The following PPP1R12A variants were observed in gnomAD, a reference collection of about 807,000 sequenced individuals.
PPP1R12A encodes myosin binding subunit.
PPP1R12A carries 19 observed loss-of-function variants against 139.6 expected under a neutral mutation model. The observed-to-expected ratio is 0.14, with a 90% confidence interval of 0.09 to 0.20. The LOEUF (loss-of-function observed/expected upper bound fraction) is 0.20. Among genes scored for constraint, PPP1R12A ranks in the 10% least tolerant of loss-of-function variants. PPP1R12A has a pLI of 1.00. For synonymous variants in PPP1R12A, 427 were observed against 420.6 expected (o/e 1.02, Z -0.19); for missense variants, 925 against 1,211.5 (o/e 0.76, Z 3.51).
chr12:79,783,517 C>A (rs953935906), intron 22 of PPP1R12A, among the ~76,000 whole-genome samples: 2 of 151,840 alleles, frequency 1.3e-5, no homozygotes, highest in Admixed American at 1.3e-4. Flanking sequence ...TTAGTTAATT[C>A]TCATTTATTT....
chr12:79,833,553 G>A (rs919337395), intron 3 of PPP1R12A, among the ~76,000 whole-genome samples: 10 of 151,674 alleles, frequency 6.6e-5, no homozygotes, highest in African/African-American at 2.4e-4. Context: ...AGCCAGGTGC[G>A]TTGGCTCACA....
chr12:79,781,225 CAAG>C (rs1565734859), intron 23 of PPP1R12A, among the ~76,000 whole-genome samples: 1 of 151,982 alleles, frequency 6.6e-6, no homozygotes, highest in Non-Finnish European at 1.5e-5. Context: ...AAGAGAAATA[CAAG>C]TGAATGTATT....
At chr12:79,853,676 T>C (rs1017722061) in intron 2 of PPP1R12A, among the ~76,000 whole-genome samples, 1 of 152,246 alleles carries the variant, frequency 6.6e-6, no homozygotes, top group Admixed American at 6.5e-5. Context: ...AATTTTTCCC[T>C]AGAGAATTGA....
intron 1 of PPP1R12A, among the ~76,000 whole-genome samples, chr12:79,894,514 A>G (rs1884955307): frequency 6.6e-6 from 1 of 152,150 alleles, no homozygotes; most frequent in African/African-American, 2.4e-5. Context: ...ACAGGTACTA[A>G]GCTATCATCC....
chr12:79,814,114 A>G (rs1468175408), intron 9 of PPP1R12A, among the ~76,000 whole-genome samples: 1 of 152,198 alleles, frequency 6.6e-6, no homozygotes, highest in East Asian at 1.9e-4. Context: ...CTAATATGCT[A>G]AATTAGATAC....
chr12:79,859,809 G>A (rs1011982444), intron 2 of PPP1R12A, among the ~76,000 whole-genome samples: 3 of 152,154 alleles, frequency 2.0e-5, no homozygotes, highest in South Asian at 2.1e-4. Context: ...CCTAGCTACC[G>A]CTGCTGAGGC....
chr12:79,832,402 C>T lies in PPP1R12A; in HGVS notation c.577G>A (p.Val193Ile). ...GTACCTCCAGATTTTGCATGCCGGACATCATTTATATGACCACTATTTAGC... is the reference window on the plus strand; with the variant it reads ...GTACCTCCAGATTTTGCATGCCGGATATCATTTATATGACCACTATTTAGC... Reference protein sequence around the residue: ...QWLNSGHINDVRHAKSGGTAL... With the variant: ...QWLNSGHINDIRHAKSGGTAL... Residue 193 changes from valine to isoleucine, a missense_variant, in exon 4 of 25, where the codon GTC becomes ATC. Physicochemically the swap from Val to Ile is conservative, Grantham distance 29 (BLOSUM62 3). Transcript: ENST00000450142. The T allele has an allele frequency of 6.2e-7, 1 of 1,613,584 alleles. No individual in the cohort carries two copies. Among genetic ancestry groups the T allele is most frequent in the Non-Finnish European group, 8.5e-7 (1 of 1,179,672 alleles).
At chr12:79,923,143 G>A (rs569006199) in intron 1 of PPP1R12A, among the ~76,000 whole-genome samples, 28 of 152,172 alleles carry the variant, frequency 1.8e-4, no homozygotes, top group Middle Eastern at 3.4e-3. Flanking sequence ...GCATGATGGC[G>A]GGTGCCTGTA....
chr12:79,912,665 G>C (rs1218605586), intron 1 of PPP1R12A, among the ~76,000 whole-genome samples: 1 of 150,324 alleles, frequency 6.7e-6, no homozygotes, highest in Non-Finnish European at 1.5e-5. Flanking sequence ...TTGCACTCTA[G>C]CCTGGGTGAC....
chr12:79,822,426 A>G (rs1383032653), intron 5 of PPP1R12A, among the ~76,000 whole-genome samples: 1 of 152,176 alleles, frequency 6.6e-6, no homozygotes, highest in East Asian at 1.9e-4. Flanking sequence ...TTGAGATATA[A>G]TTCATATACC....
chr12:79,821,133 G>A lies in PPP1R12A; in HGVS notation c.901C>T (p.Leu301=). 2 of 1,613,170 alleles carry A rather than the reference G, an allele frequency of 1.2e-6. No individual in the cohort carries two copies. The highest frequency in any genetic ancestry group is 1.1e-5 in the South Asian group (1 of 91,000). ...HSEKRDKKSP[L]IESTANMDNN... ...TCCATATTTGCTGTTGATTCAATTA[G>A]TGGAGATTTCTTGTCCCGTTTTTCA... The change falls in exon 7 of 25, where the codon CTA becomes TTA. Residue 301 remains leucine (L), a synonymous_variant. Coordinates refer to ENST00000450142, the MANE Select transcript of PPP1R12A (RefSeq NM_002480.3).
intron 22 of PPP1R12A, among the ~76,000 whole-genome samples, chr12:79,783,303 A>AG (rs1565735885): frequency 6.6e-6 from 1 of 150,550 alleles, no homozygotes; most frequent in Admixed American, 6.6e-5. Flanking sequence ...ACCAAAAAAA[A>AG]AAAAAAAAAA....
At chr12:79,848,089 T>G (rs747630361) in intron 2 of PPP1R12A, among the ~76,000 whole-genome samples, 1 of 152,238 alleles carries the variant, frequency 6.6e-6, no homozygotes, top group South Asian at 2.1e-4. Context: ...AAATGGCTAC[T>G]GTATCATTTT....
intron 14 of PPP1R12A, among the ~76,000 whole-genome samples, chr12:79,801,861 A>C (rs1175644713): frequency 6.6e-6 from 1 of 152,186 alleles, no homozygotes; most frequent in Non-Finnish European, 1.5e-5. Flanking sequence ...ATTTGTAGCT[A>C]AGTCAAGAAA....
intron 4 of PPP1R12A, among the ~76,000 whole-genome samples, chr12:79,829,448 T>G (rs1245642135): frequency 6.6e-6 from 1 of 152,096 alleles, no homozygotes; most frequent in Non-Finnish European, 1.5e-5. Context: ...TAATCCTGCC[T>G]CCGTAACGGA....
In PPP1R12A at chr12:79,899,233, AATATATATATATATATAT is replaced by A. The variant is rs58319454; in HGVS notation, c.238-26313_238-26296del. Among the ~76,000 whole-genome samples the A allele has an allele frequency of 7.0e-3, 993 of 141,892 alleles. 10 individuals carry two copies. The highest frequency in any genetic ancestry group is 0.021 in the African/African-American group (833 of 39,088). The allele number at this position is 141,892 out of a possible 152,430, so 93.1% of individuals were successfully genotyped here. On this transcript the variant is annotated intron_variant, in intron 1 of 24. Transcript: ENST00000450142. ...TACAATGAAATGCAGAGATCTTAAA[AATATATATATATATATAT>A]ATATATATATATATATATATATATA...
rs746125070 is a variant in PPP1R12A at position 79,906,465 on chromosome 12, C to T, written c.237+28230G>A. ...TTTCTTATTTTCTAAATGTTCTATA[C>T]GGCAGATATATTACCATTAATATTT... On this transcript the variant is annotated intron_variant, in intron 1 of 24. Transcript: ENST00000450142. 6.8e-4 allele frequency among the ~76,000 whole-genome samples: 104 copies of T among 151,952 alleles called. 1 individual carries two copies. The highest frequency in any genetic ancestry group is 1.0e-3 in the Non-Finnish European group (71 of 67,958).
intron 1 of PPP1R12A, among the ~76,000 whole-genome samples, chr12:79,904,259 T>C (rs190663685): frequency 2.0e-4 from 30 of 151,862 alleles, no homozygotes; most frequent in African/African-American, 6.5e-4. Flanking sequence ...CAATTCTGCT[T>C]GACCGGAATA....
intron 24 of PPP1R12A, among the ~76,000 whole-genome samples, chr12:79,777,977 T>A (rs1218763133): frequency 1.3e-5 from 2 of 152,164 alleles, no homozygotes; most frequent in Non-Finnish European, 2.9e-5. Flanking sequence ...GGTTCATTAA[T>A]TCACAATGTG....
Sources: allele counts gnomAD v4.1 joint callset (sites outside exome capture counted in the v4.1 genomes callset), GRCh38; gene constraint gnomAD v4.1.1; transcripts MANE v1.5; gene names NCBI Gene and HGNC (gene_info 2026-07-23, HGNC 2026-07-21).